The following LRRC4 variants were observed in gnomAD, a reference collection of about 807,000 sequenced individuals.
LRRC4 encodes leucine-rich repeat-containing protein 4.
LRRC4 carries 11 observed loss-of-function variants against 37.9 expected under a neutral mutation model. That is an observed-to-expected ratio of 0.29 (90% CI 0.18 to 0.48). The LOEUF (loss-of-function observed/expected upper bound fraction) is 0.48, where lower values mean the gene tolerates loss of function less well. LRRC4 is among the 20% of genes least tolerant of loss of function. LRRC4 has a pLI of 0.99. For synonymous variants in LRRC4, 404 were observed against 346.7 expected, an observed-to-expected ratio of 1.17 and a Z score of -1.84; for missense variants, 717 against 842.1, an observed-to-expected ratio of 0.85 and a Z score of 1.84.
rs1227373898 is a variant in LRRC4 at position 128,029,214 on chromosome 7, A to G, written c.1427T>C (p.Val476Ala). The change falls in exon 2 of 2, where the codon GTT (valine) becomes GCT (alanine). Residue 476 changes from valine to alanine, a missense_variant. Val to Ala is a moderately conservative substitution (Grantham distance 64). Around this residue, in one of 5 missense-constraint regions of LRRC4, gnomAD observed 293 missense variants for 268.3 expected, o/e 1.09. Coordinates refer to ENST00000249363, the MANE Select transcript of LRRC4 (RefSeq NM_022143.5). This position sits in a 1 kb window ranked among gnomAD's most constrained non-coding sequence, Gnocchi z 4.2. ...PEDTTRKYKP[V>A]PTTSTGYQPA... is the part of the protein sequence containing the mutation. ...CTGGTAACCAGTGGACGTGGTAGGAACAGGCTTGTACTTTCGCGTTGTGTC... is the reference window on the plus strand; with the variant it reads ...CTGGTAACCAGTGGACGTGGTAGGAGCAGGCTTGTACTTTCGCGTTGTGTC... The G allele has an allele frequency of 3.0e-5, 48 of 1,613,962 alleles. No homozygotes were observed. Among genetic ancestry groups the G allele is most frequent in the Non-Finnish European group, 3.9e-5 (46 of 1,180,026 alleles).
chr7:128,028,839 A>G lies in LRRC4; in HGVS notation c.1802T>C (p.Ile601Thr). The G allele has an allele frequency of 6.2e-7, 1 of 1,614,132 alleles. No individual in the cohort carries two copies. The highest frequency in any genetic ancestry group is 8.5e-7 in the Non-Finnish European group (1 of 1,180,032). ...GGTGTTGTAGTTAATATGGTCATGA[A>G]TTGTGGGCAGCACTACTGCCCCCTC... is the stretch of plus-strand genomic sequence containing the variant. ...SGEGAVVLPT[I>T]HDHINYNTYK... Residue 601 changes from isoleucine (I) to threonine (T), a missense_variant, in exon 2 of 2, where the codon ATT (isoleucine) becomes ACT (threonine). By Grantham distance (89) the Ile-to-Thr change is moderately conservative (BLOSUM62 -1). Coordinates refer to ENST00000249363, the MANE Select transcript of LRRC4 (RefSeq NM_022143.5).
Position 128,030,567 on chromosome 7 carries a change from G to A in LRRC4, c.74C>T (p.Thr25Met). Residue 25 changes from threonine (T) to methionine (M), a missense_variant, in exon 2 of 2, where the codon ACG becomes ATG. Thr to Met is a moderately conservative substitution (Grantham distance 81). Coordinates refer to ENST00000249363, the MANE Select transcript of LRRC4 (RefSeq NM_022143.5). The stretch of plus-strand genomic sequence containing the variant: ...TGCACACAGAATCCACACTTGCGCC[G>A]TGAGGTAGACGAACGGGAGCAGGAT... Reference protein sequence around the residue: ...NAILLPFVYLTAQVWILCAAI... With the variant: ...NAILLPFVYLMAQVWILCAAI... 1.2e-6 allele frequency: 2 copies of A among 1,611,028 alleles called. No homozygotes were observed. The highest frequency in any genetic ancestry group is 1.7e-6 in the Non-Finnish European group (2 of 1,178,030).
rs1803550714 is a variant in LRRC4 at position 128,028,605 on chromosome 7, T to C, written c.*74A>G. The C allele has an allele frequency of 7.1e-7, 1 of 1,399,264 alleles. No individual in the cohort carries two copies. The highest frequency in any genetic ancestry group is 2.1e-5 in the Admixed American group (1 of 48,212). 86.7% of individuals were successfully genotyped at this position (1,399,264 alleles called of 1,614,324 possible). On this transcript the variant is annotated 3_prime_UTR_variant, in exon 2 of 2. Coordinates refer to ENST00000249363, the MANE Select transcript of LRRC4 (RefSeq NM_022143.5). The stretch of plus-strand genomic sequence containing the variant: ...ATAAGCATATACAAGAAAAAGTCTC[T>C]CCCCACTCTGTACAAAAGTTGCTGT...
chr7:128,029,768 G>A lies in LRRC4; in HGVS notation c.873C>T (p.Tyr291=), dbSNP rs144495487. Residue 291 remains tyrosine, a synonymous_variant, in exon 2 of 2, where the codon TAC becomes TAT. Coordinates refer to ENST00000249363, the MANE Select transcript of LRRC4 (RefSeq NM_022143.5). The surrounding 1 kb of genome is among the most constrained non-coding windows in gnomAD (Gnocchi z 4.2). The part of the protein sequence containing the change: ...LPHDLFTPLR[Y]LVELHLHHNP... ...TGTGGTGTAGATGCAACTCCACCAG[G>A]TACCTCAGCGGGGTAAAGAGGTCAT... 8.7e-6 allele frequency: 14 copies of A among 1,613,892 alleles called. No homozygotes were observed. The highest frequency in any genetic ancestry group is 1.3e-5 in the African/African-American group (1 of 74,938).
rs1803525334 is a variant in LRRC4, at chr7:128,027,894, A to G, written c.*785T>C. 1 of 152,266 alleles carries G rather than the reference A, an allele frequency of 6.6e-6. No homozygotes were observed. The highest frequency in any genetic ancestry group is 1.5e-5 in the Non-Finnish European group (1 of 68,022). The allele number at this position is 152,266 out of a possible 1,614,324, so 9.4% of individuals were successfully genotyped here. ...TGCCTTGCAGAGTGGGTTAAGCCCA[A>G]CTGCAGGAATCTGGTGCAATGTGAA... is the stretch of plus-strand genomic sequence containing the variant. On this transcript the variant is annotated 3_prime_UTR_variant, in exon 2 of 2. Coordinates refer to ENST00000249363, the MANE Select transcript of LRRC4 (RefSeq NM_022143.5).
rs1434586791 is a variant in LRRC4 at position 128,028,654 on chromosome 7, T to C, written c.*25A>G. Reference sequence around the variant, plus strand: ...GTCTTTGTGTGCATTCTATTGCATTTTATAAGTTTTTTGGGGGAGGGGAGT... The same window carrying C: ...GTCTTTGTGTGCATTCTATTGCATTCTATAAGTTTTTTGGGGGAGGGGAGT... On this transcript the variant is annotated 3_prime_UTR_variant, in exon 2 of 2. Transcript: ENST00000249363. 6.3e-7 allele frequency: 1 copy of C among 1,590,710 alleles called. No homozygotes were observed. Among genetic ancestry groups the C allele is most frequent in the East Asian group, 2.2e-5 (1 of 44,644 alleles).
rs1345038288 is a variant in LRRC4, at chr7:128,030,151, A to G, written c.490T>C (p.Ser164Pro). ...GAGGGCACCCGGTTGAAGGCGTAAG[A>G]GGGGATGCTTTCGATGGGGTTGTTG... ...LRNNPIESIPSYAFNRVPSLM... is the reference protein window; with the variant it reads ...LRNNPIESIPPYAFNRVPSLM... The change falls in exon 2 of 2, where the codon TCT becomes CCT. Residue 164 changes from serine to proline, a missense_variant. By Grantham distance (74) the Ser-to-Pro change is moderately conservative (BLOSUM62 -1). Coordinates refer to ENST00000249363, the MANE Select transcript of LRRC4 (RefSeq NM_022143.5). 6.2e-7 allele frequency: 1 copy of G among 1,614,178 alleles called. No individual in the cohort carries two copies. Among genetic ancestry groups the G allele is most frequent in the Non-Finnish European group, 8.5e-7 (1 of 1,180,024 alleles).
At chr7:128,031,494 C>A (rs965313934), upstream of LRRC4, 21 of 151,628 alleles carry the variant, frequency 1.4e-4, no homozygotes, top group African/African-American at 5.1e-4. Flanking sequence ...CTTCGCCCTC[C>A]CCAGACACAC....
rs1792542160 is a variant in LRRC4 at position 128,030,233 on chromosome 7, T to A, written c.408A>T (p.Thr136=). The part of the protein sequence containing the change: ...NTLELFDNWL[T]VIPSGAFEYL... ...ATTCAAAGGCCCCGCTAGGGATGAC[T>A]GTCAGCCAGTTGTCGAACAGCTCCA... The change falls in exon 2 of 2, where the codon ACA becomes ACT. Residue 136 remains threonine (T), a synonymous_variant. Coordinates refer to ENST00000249363, the MANE Select transcript of LRRC4 (RefSeq NM_022143.5). The A allele has an allele frequency of 6.2e-7, 1 of 1,614,224 alleles. No individual in the cohort carries two copies. Among genetic ancestry groups the A allele is most frequent in the Non-Finnish European group, 8.5e-7 (1 of 1,180,036 alleles).
chr7:128,028,493 A>T lies in LRRC4; in HGVS notation c.*186T>A. On this transcript the variant is annotated 3_prime_UTR_variant, in exon 2 of 2. Transcript: ENST00000249363. The stretch of plus-strand genomic sequence containing the variant: ...CCCCCACCCCCTTTAAATAGAACTT[A>T]CAAGTTAGAAAATATTTTTGTTTTG... The T allele has an allele frequency of 3.4e-6, 2 of 583,868 alleles. No individual in the cohort carries two copies. Among genetic ancestry groups the T allele is most frequent in the East Asian group, 3.2e-5 (1 of 31,378 alleles). The allele number at this position is 583,868 out of a possible 1,614,324, so 36.2% of individuals were successfully genotyped here.
Position 128,027,903 on chromosome 7 carries a change from A to G in LRRC4, c.*776T>C. On this transcript the variant is annotated 3_prime_UTR_variant, in exon 2 of 2. Coordinates refer to ENST00000249363, the MANE Select transcript of LRRC4 (RefSeq NM_022143.5). ...GAGTGGGTTAAGCCCAACTGCAGGA[A>G]TCTGGTGCAATGTGAAAGCATTAGA... is the stretch of plus-strand genomic sequence containing the variant. 6.6e-6 allele frequency: 1 copy of G among 152,320 alleles called. No homozygotes were observed. Among genetic ancestry groups the G allele is most frequent in the Non-Finnish European group, 1.5e-5 (1 of 68,048 alleles). 9.4% of individuals were successfully genotyped at this position (152,320 alleles called of 1,614,324 possible). A position where few individuals can be genotyped will look rare whatever the true frequency, so the allele number is the denominator to read the frequency against.
chr7:128,028,901 G>C lies in LRRC4; in HGVS notation c.1740C>G (p.Ser580=). ...QVDEDIPAAT[S]AAATAAPSGV... ...CGGACGGAGCTGCTGTTGCTGCTGCGGATGTTGCTGCTGGGATGTCTTCGT... is the reference window on the plus strand; with the variant it reads ...CGGACGGAGCTGCTGTTGCTGCTGCCGATGTTGCTGCTGGGATGTCTTCGT... The change falls in exon 2 of 2, where the codon TCC becomes TCG. Residue 580 remains serine (S), a synonymous_variant. Coordinates refer to ENST00000249363, the MANE Select transcript of LRRC4 (RefSeq NM_022143.5). The C allele has an allele frequency of 6.2e-7, 1 of 1,613,400 alleles. No homozygotes were observed. Among genetic ancestry groups the C allele is most frequent in the Non-Finnish European group, 8.5e-7 (1 of 1,179,574 alleles).
rs906341845 is a variant in LRRC4, at chr7:128,028,021, G to C, written c.*658C>G. The C allele has an allele frequency of 2.0e-5, 3 of 152,668 alleles. No individual in the cohort carries two copies. Among genetic ancestry groups the C allele is most frequent in the Admixed American group, 2.0e-4 (3 of 15,288 alleles). The allele number at this position is 152,668 out of a possible 1,614,324, so 9.5% of individuals were successfully genotyped here. ...GTGTGTCCAGTGCACAGACCCCCAA[G>C]ACTTGTGCACATGGACAAAGACTCA... On this transcript the variant is annotated 3_prime_UTR_variant, in exon 2 of 2. Coordinates refer to ENST00000249363, the MANE Select transcript of LRRC4 (RefSeq NM_022143.5).
In LRRC4 at chr7:128,028,184, T is replaced by G. The variant is rs1478926341; in HGVS notation, c.*495A>C. On this transcript the variant is annotated 3_prime_UTR_variant, in exon 2 of 2. Coordinates refer to ENST00000249363, the MANE Select transcript of LRRC4 (RefSeq NM_022143.5). ...CACAGTACAAATTCATGGTGCTTTT[T>G]TTTTGTATTTTTTTTTAATAAGATA... 1.3e-5 allele frequency: 2 copies of G among 153,032 alleles called. No homozygotes were observed. The highest frequency in any genetic ancestry group is 2.9e-5 in the Non-Finnish European group (2 of 68,370). The allele number at this position is 153,032 out of a possible 1,614,324, so 9.5% of individuals were successfully genotyped here.
Position 128,030,721 on chromosome 7 carries a change from CT to C in LRRC4, c.-82del. Reference sequence around the variant, plus strand: ...CCAGCCCTACCCCGGCTTAAGTGAGCTAGGAGCTCCTCTTTCCATCTGGAGA... The same window carrying C: ...CCAGCCCTACCCCGGCTTAAGTGAGCAGGAGCTCCTCTTTCCATCTGGAGA... On this transcript the variant is annotated 5_prime_UTR_variant, in exon 2 of 2. The change abolishes the stop of an existing upstream ORF in the 5' untranslated region. Transcript: ENST00000249363. 1 of 1,468,730 alleles carries C rather than the reference CT, an allele frequency of 6.8e-7. No homozygotes were observed. The highest frequency in any genetic ancestry group is 9.1e-7 in the Non-Finnish European group (1 of 1,094,844). 91.0% of individuals were successfully genotyped at this position (1,468,730 alleles called of 1,614,324 possible).
rs1792531779 is a variant in LRRC4 at position 128,029,975 on chromosome 7, C to T, written c.666G>A (p.Glu222=). The part of the protein sequence containing the change: ...PNLTPLVGLE[E]LEMSGNHFPE... ...GGAAGTGGTTCCCTGACATCTCCAG[C>T]TCCTCCAGCCCCACCAGGGGGGTGA... Residue 222 remains glutamate (E), a synonymous_variant, in exon 2 of 2, where the codon GAG becomes GAA. Coordinates refer to ENST00000249363, the MANE Select transcript of LRRC4 (RefSeq NM_022143.5). The surrounding 1 kb of genome is among the most constrained non-coding windows in gnomAD (Gnocchi z 4.2). 2.5e-6 allele frequency: 4 copies of T among 1,613,162 alleles called. No homozygotes were observed. The highest frequency in any genetic ancestry group is 3.4e-6 in the Non-Finnish European group (4 of 1,180,022).
rs1341804031 is a variant in LRRC4 at position 128,027,963 on chromosome 7, CCTTT to C, written c.*712_*715del. On this transcript the variant is annotated 3_prime_UTR_variant, in exon 2 of 2. Transcript: ENST00000249363. The stretch of plus-strand genomic sequence containing the variant: ...ACGCCAGCTCCCGTCCTTCTCTGCT[CCTTT>C]CTAAGCAATTCTGTCAGGCAAGGCA... 1 of 152,562 alleles carries C rather than the reference CCTTT, an allele frequency of 6.6e-6. No individual in the cohort carries two copies. The highest frequency in any genetic ancestry group is 2.4e-5 in the African/African-American group (1 of 41,410). 9.5% of individuals were successfully genotyped at this position (152,562 alleles called of 1,614,324 possible).
chr7:128,029,045 G>A lies in LRRC4; in HGVS notation c.1596C>T (p.Cys532=). 1 of 1,614,100 alleles carries A rather than the reference G, an allele frequency of 6.2e-7. No homozygotes were observed. The highest frequency in any genetic ancestry group is 8.5e-7 in the Non-Finnish European group (1 of 1,180,022). ...CAGCTAGCAGAGTCACTGCCACAAA[G>A]CAGCCAATGATGATCTTGGTGGTCT... The part of the protein sequence containing the change: ...VMKTTKIIIG[C]FVAVTLLAAA... Residue 532 remains cysteine (C), a synonymous_variant, in exon 2 of 2, where the codon TGC becomes TGT. Coordinates refer to ENST00000249363, the MANE Select transcript of LRRC4 (RefSeq NM_022143.5). The surrounding 1 kb of genome is among the most constrained non-coding windows in gnomAD (Gnocchi z 4.2).
upstream of LRRC4, among the ~76,000 whole-genome samples, chr7:128,031,831 C>A (rs1245329348): frequency 6.7e-6 from 1 of 149,776 alleles, no homozygotes; most frequent in Non-Finnish European, 1.5e-5. Context: ...CGGCTTTGTG[C>A]GGAGGGAGCG....
Sources: allele counts gnomAD v4.1 joint callset (sites outside exome capture counted in the v4.1 genomes callset), GRCh38; gene constraint gnomAD v4.1.1; regional missense constraint gnomAD v4.1.1; non-coding constraint Gnocchi (gnomAD v3.1); transcripts MANE v1.5; gene names NCBI Gene and HGNC (gene_info 2026-07-23, HGNC 2026-07-21).